Variants in KIAA2012 observed in about 807,000 individuals in gnomAD.
KIAA2012 encodes the protein uncharacterized protein KIAA2012.
Under a neutral mutation model 150.6 loss-of-function variants are expected in KIAA2012, and 125 were observed. That is an observed-to-expected ratio of 0.83 (90% confidence interval 0.72 to 0.96). KIAA2012 has a LOEUF of 0.96. Ranked by LOEUF, KIAA2012 falls within the 40% of genes least tolerant of loss-of-function variation. KIAA2012 has a pLI of 0.00. For missense variants in KIAA2012, 1,219 were observed against 1,354.9 expected (o/e 0.90, Z 1.57); for synonymous variants, 462 against 504.7 (o/e 0.92, Z 1.13).
At chr2:202,199,284 T>C (rs1692469781) in intron 22 of KIAA2012, among the ~76,000 whole-genome samples, 1 of 151,990 alleles carries the variant, frequency 6.6e-6, no homozygotes, top group Non-Finnish European at 1.5e-5. Context: ...CCCAACCCCC[T>C]TTTTTTGAGA....
intron 2 of KIAA2012, among the ~76,000 whole-genome samples, chr2:202,075,495 G>A (rs1330627591): frequency 2.0e-5 from 3 of 152,176 alleles, no homozygotes; most frequent in Admixed American, 6.5e-5. Flanking sequence ...GCCAGCAGAC[G>A]TTTCATCAGG....
rs564028666 is a variant in KIAA2012, at chr2:202,165,185, T to C, written c.2047-99T>C. The C allele has an allele frequency of 8.4e-5, 94 of 1,117,092 alleles. No individual in the cohort carries two copies. In the African/African-American group the frequency reaches 1.3e-3, roughly 16 times the overall value. The allele number at this position is 1,117,092 out of a possible 1,614,324, so 69.2% of individuals were successfully genotyped here. On this transcript the variant is annotated intron_variant, in intron 14 of 23. Coordinates refer to ENST00000498697, the MANE Select transcript of KIAA2012 (RefSeq NM_001277372.4). The stretch of plus-strand genomic sequence containing the variant: ...AAGGAGAAGAAACCACTAAGAAAAC[T>C]GGCTTCCCTCTTACCAAAGGTCATG...
intron 2 of KIAA2012, among the ~76,000 whole-genome samples, chr2:202,083,588 C>T (rs1689498598): frequency 6.6e-6 from 1 of 152,244 alleles, no homozygotes; most frequent in Non-Finnish European, 1.5e-5. Flanking sequence ...GAGCAGGCAG[C>T]TCACAGCACA....
intron 12 of KIAA2012, among the ~76,000 whole-genome samples, chr2:202,126,527 T>C (rs900010784): frequency 6.6e-6 from 1 of 151,936 alleles, no homozygotes; most frequent in African/African-American, 2.4e-5. Flanking sequence ...GTAGAAAGAG[T>C]TTCCATGCCA....
chr2:202,093,288 G>A, intron 4 of KIAA2012, 103 bp downstream of exon 4: 2 of 1,206,014 alleles, frequency 1.7e-6, no homozygotes, highest in Non-Finnish European at 2.3e-6. Flanking sequence ...GAGATTCTGG[G>A]TTGCATAGTC....
chr2:202,125,935 CTTTTTTT>C (rs571686717), intron 12 of KIAA2012: 17,048 of 135,428 alleles, frequency 0.13, 1,236 homozygotes, highest in African/African-American at 0.18. Flanking sequence ...TTCCTGGCTG[CTTTTTTT>C]TTTTTTTTTT....
intron 11 of KIAA2012, among the ~76,000 whole-genome samples, chr2:202,122,537 G>A (rs1020629535): frequency 1.0e-5 from 1 of 97,036 alleles, no homozygotes; most frequent in African/African-American, 4.0e-5. Flanking sequence ...TTTCATTCTT[G>A]TTGCCCAGGC....
At chr2:202,084,121 C>A (rs1353879998) in intron 2 of KIAA2012, among the ~76,000 whole-genome samples, 1 of 152,062 alleles carries the variant, frequency 6.6e-6, no homozygotes, top group African/African-American at 2.4e-5. Context: ...GAGGGCTGTG[C>A]CTGCCAGTTC....
In KIAA2012 at chr2:202,073,458, G is replaced by T. The variant is rs1038535909; in HGVS notation, c.-170G>T. 20 of 601,436 alleles carry T rather than the reference G, an allele frequency of 3.3e-5. No homozygotes were observed. The highest frequency in any genetic ancestry group is 5.6e-5 in the East Asian group (2 of 36,012). 37.3% of individuals were successfully genotyped at this position (601,436 alleles called of 1,614,324 possible). On this transcript the variant is annotated 5_prime_UTR_variant, in exon 1 of 24. Transcript: ENST00000498697. ...CACACACTGTCTAAACTGTGTGGCT[G>T]GTTGTTACTAAGAAGCTGCTGCGAG...
chr2:202,151,289 C>T (rs908884200), intron 13 of KIAA2012, among the ~76,000 whole-genome samples: 25 of 151,824 alleles, frequency 1.6e-4, no homozygotes, highest in Admixed American at 1.1e-3. Context: ...CCCAACTACT[C>T]GGTAGACTAA....
At chr2:202,138,319 A>C (rs1691122156) in intron 12 of KIAA2012, 113 bp from the exon 13 acceptor site, 3 of 774,060 alleles carry the variant, frequency 3.9e-6, no homozygotes, top group South Asian at 3.3e-5. Context: ...ATATGTGCTT[A>C]TAATCTTACA....
Position 202,194,307 on chromosome 2 carries a change from G to C in KIAA2012, c.3132G>C (p.Arg1044=). ...CCCGGCAACAGCAAGAGGAGTTTCG[G>C]AGGAAACTGCGAGAACTACAGAGAA... ...ERARQQQEEF[R]RKLRELQRKK... Residue 1044 remains arginine, a synonymous_variant, in exon 21 of 24, where the codon CGG becomes CGC. Transcript: ENST00000498697. 1 of 1,550,538 alleles carries C rather than the reference G, an allele frequency of 6.4e-7. No homozygotes were observed. The highest frequency in any genetic ancestry group is 8.7e-7 in the Non-Finnish European group (1 of 1,147,002).
At chr2:202,201,885 A>G in intron 22 of KIAA2012, 1 of 1,129,822 alleles carries the variant, frequency 8.9e-7, no homozygotes. Flanking sequence ...TTTGCTGTTC[A>G]TGGTGGCTGC....
At chr2:202,103,392 C>T (rs1690102756) in intron 8 of KIAA2012, among the ~76,000 whole-genome samples, 1 of 151,894 alleles carries the variant, frequency 6.6e-6, no homozygotes, top group Admixed American at 6.6e-5. Flanking sequence ...AAGTCCAATG[C>T]ACCATAGGTG....
chr2:202,079,817 G>C (rs1459591122), intron 2 of KIAA2012, among the ~76,000 whole-genome samples: 1 of 152,076 alleles, frequency 6.6e-6, no homozygotes, highest in Non-Finnish European at 1.5e-5. Flanking sequence ...CCATTATTGA[G>C]ACATCAAATA....
At chr2:202,196,071 C>A (rs1692407292) in intron 21 of KIAA2012, among the ~76,000 whole-genome samples, 1 of 151,684 alleles carries the variant, frequency 6.6e-6, no homozygotes, top group Admixed American at 6.6e-5. Context: ...GGTCCAGCCT[C>A]ACCTTTGAGG....
At chr2:202,073,759 A>G (rs1689259331) in intron 1 of KIAA2012, 48 bp downstream of exon 1, 1 of 1,495,474 alleles carries the variant, frequency 6.7e-7, no homozygotes, top group Non-Finnish European at 9.1e-7. Context: ...TGGGAGAGGA[A>G]TGCTCTATGT....
At chr2:202,193,170 T>C in intron 19 of KIAA2012, 131 bp from the exon 20 acceptor site, 1 of 891,802 alleles carries the variant, frequency 1.1e-6, no homozygotes, top group Non-Finnish European at 1.7e-6. Context: ...TCTATGCAGC[T>C]GTGGGCAAAG....
intron 11 of KIAA2012, chr2:202,115,082 T>C (rs1168985692): frequency 1.2e-5 from 2 of 162,572 alleles, no homozygotes; most frequent in Non-Finnish European, 2.9e-5. Flanking sequence ...AAAGATTTTT[T>C]TGGTTTGGGC....
Sources: gnomAD v4.1 joint callset for allele counts (sites outside exome capture counted in the v4.1 genomes callset) on GRCh38, gnomAD v4.1.1 for gene constraint, MANE v1.5 for transcripts, NCBI Gene and HGNC (gene_info 2026-07-23, HGNC 2026-07-21) for gene names.